TRAPPC9: variants seen among roughly 807,000 people sequenced by gnomAD.
TRAPPC9 encodes trafficking protein particle complex subunit 9, also known as IKK2 binding protein.
Under a neutral mutation model 124.0 loss-of-function variants are expected in TRAPPC9, and 83 were observed. The ratio of observed to expected loss-of-function variants is 0.67; its 90% CI spans 0.56 to 0.80. The LOEUF (loss-of-function observed/expected upper bound fraction) is 0.80. Ranked by LOEUF, TRAPPC9 falls within the 30% of genes least tolerant of loss-of-function variation. The pLI, the probability that TRAPPC9 is intolerant of heterozygous loss-of-function variation, is 0.00. For missense variants in TRAPPC9, 1,302 were observed against 1,508.3 expected, an observed-to-expected ratio of 0.86 and a Z score of 2.27; for synonymous variants, 638 against 617.5, an observed-to-expected ratio of 1.03 and a Z score of -0.49.
intron 17 of TRAPPC9, among the ~76,000 whole-genome samples, chr8:140,126,115 C>T (rs568651496): frequency 1.3e-5 from 2 of 152,066 alleles, no homozygotes; most frequent in Admixed American, 6.5e-5. Context: ...GGGCATTTTG[C>T]GGTACGTAAC....
At chr8:139,974,936 TG>T (rs1445906894) in intron 19 of TRAPPC9, among the ~76,000 whole-genome samples, 1 of 152,046 alleles carries the variant, frequency 6.6e-6, no homozygotes, top group African/African-American at 2.4e-5. Flanking sequence ...TGGGGCTGCC[TG>T]CTCTGCCTCC....
intron 9 of TRAPPC9, among the ~76,000 whole-genome samples, chr8:140,331,043 G>T (rs1296552626): frequency 1.3e-5 from 2 of 151,668 alleles, no homozygotes; most frequent in African/African-American, 4.8e-5. Flanking sequence ...CAAAGCAGGA[G>T]GCATCACATT....
At chr8:139,943,129 C>T (rs1834011917) in intron 19 of TRAPPC9, among the ~76,000 whole-genome samples, 1 of 152,188 alleles carries the variant, frequency 6.6e-6, no homozygotes. Context: ...TGCAGTGGTA[C>T]GATGTCAGCT....
intron 17 of TRAPPC9, among the ~76,000 whole-genome samples, chr8:140,074,888 C>T (rs763059568): frequency 2.2e-4 from 34 of 152,142 alleles, no homozygotes; most frequent in Non-Finnish European, 4.3e-4. Flanking sequence ...TGCTGTTGAT[C>T]GCCAGTGGTA....
At chr8:140,154,277 A>G (rs2061594401) in intron 17 of TRAPPC9, among the ~76,000 whole-genome samples, 1 of 152,044 alleles carries the variant, frequency 6.6e-6, no homozygotes, top group African/African-American at 2.4e-5. Context: ...CTTCTTCCCA[A>G]GTGTCTCTGA....
At chr8:140,201,995 T>A (rs2062802172) in intron 17 of TRAPPC9, among the ~76,000 whole-genome samples, 1 of 152,060 alleles carries the variant, frequency 6.6e-6, no homozygotes, top group Admixed American at 6.5e-5. Context: ...TCCAGCATCG[T>A]GGGAAAGACT....
At chr8:140,106,926 T>C (rs565603223) in intron 17 of TRAPPC9, among the ~76,000 whole-genome samples, 19 of 152,206 alleles carry the variant, frequency 1.2e-4, no homozygotes. Context: ...ACAGTCTTAA[T>C]AAACATTTGC....
At chr8:140,196,129 T>TG (rs1353890340) in intron 17 of TRAPPC9, among the ~76,000 whole-genome samples, 1 of 52,398 alleles carries the variant, frequency 1.9e-5, no homozygotes, top group Non-Finnish European at 3.9e-5. Context: ...CCTGTGACAC[T>TG]GAAACACAAC....
At chr8:140,240,160 T>C (rs1338593042) in intron 16 of TRAPPC9, among the ~76,000 whole-genome samples, 1 of 152,168 alleles carries the variant, frequency 6.6e-6, no homozygotes, top group African/African-American at 2.4e-5. Flanking sequence ...AGTCTCCAGT[T>C]CTGCACAAAG....
At chr8:140,347,003 C>T (rs1355507524) in intron 9 of TRAPPC9, among the ~76,000 whole-genome samples, 2 of 152,162 alleles carry the variant, frequency 1.3e-5, no homozygotes, top group African/African-American at 2.4e-5. Context: ...GGTTCCGGGG[C>T]CCAGGGCAGG....
At chr8:139,845,521 T>C (rs1827020357) in intron 21 of TRAPPC9, among the ~76,000 whole-genome samples, 2 of 152,208 alleles carry the variant, frequency 1.3e-5, no homozygotes, top group Non-Finnish European at 2.9e-5. Flanking sequence ...CCCTTGCAAT[T>C]GGGTATGGCA....
chr8:140,094,249 G>C (rs1844776596), intron 17 of TRAPPC9, among the ~76,000 whole-genome samples: 1 of 152,172 alleles, frequency 6.6e-6, no homozygotes, highest in South Asian at 2.1e-4. Flanking sequence ...CCTGCAGGGA[G>C]GTGCACCCAC....
At chr8:140,326,585 G>T (rs970294458) in intron 9 of TRAPPC9, among the ~76,000 whole-genome samples, 1 of 152,130 alleles carries the variant, frequency 6.6e-6, no homozygotes, top group Admixed American at 6.5e-5. Flanking sequence ...ACTTTAAGAT[G>T]TACATTATGG....
intron 2 of TRAPPC9, among the ~76,000 whole-genome samples, chr8:140,449,330 C>T (rs1262049762): frequency 6.6e-6 from 1 of 152,188 alleles, no homozygotes; most frequent in African/African-American, 2.4e-5. Context: ...CCTGTCCAAG[C>T]CAGGAGGCCA....
chr8:139,806,490 T>C (rs1183765495), intron 21 of TRAPPC9, among the ~76,000 whole-genome samples: 3 of 152,170 alleles, frequency 2.0e-5, no homozygotes, highest in African/African-American at 7.2e-5. Flanking sequence ...GAAAACAATA[T>C]GTAGCAGCAG....
At chr8:140,426,665 T>C (rs1237982713) in intron 4 of TRAPPC9, 24 bp from the exon 5 acceptor site, 2 of 1,612,046 alleles carry the variant, frequency 1.2e-6, no homozygotes, top group South Asian at 1.1e-5. Flanking sequence ...CAGATTATGG[T>C]ATTTTATTTG....
At chr8:140,272,060 AG>A (rs1293807789) in intron 15 of TRAPPC9, among the ~76,000 whole-genome samples, 31 of 124,890 alleles carry the variant, frequency 2.5e-4, no homozygotes, top group Admixed American at 7.6e-4. Flanking sequence ...TGGTTATGGT[AG>A]TGATGGTGAT....
intron 21 of TRAPPC9, among the ~76,000 whole-genome samples, chr8:139,768,168 C>A (rs1405477775): frequency 6.6e-6 from 1 of 152,168 alleles, no homozygotes; most frequent in Non-Finnish European, 1.5e-5. Flanking sequence ...CATTAAAAAT[C>A]ATAATTTACA....
At chr8:140,157,411 T>A (rs1222511420) in intron 17 of TRAPPC9, among the ~76,000 whole-genome samples, 1 of 152,052 alleles carries the variant, frequency 6.6e-6, no homozygotes, top group African/African-American at 2.4e-5. Context: ...CTCTTCTTTC[T>A]GTGGACCAGG....
Sources: allele counts gnomAD v4.1 joint callset (sites outside exome capture counted in the v4.1 genomes callset), GRCh38; gene constraint gnomAD v4.1.1; transcripts MANE v1.5; gene names NCBI Gene and HGNC (gene_info 2026-07-23, HGNC 2026-07-21).